The following AOX1 variants were observed in gnomAD, a reference collection of about 807,000 sequenced individuals.
The protein encoded by AOX1 is aldehyde oxidase 1, also known as aldehyde oxidase.
In AOX1, 153 loss-of-function variants were observed where a neutral mutation model predicts 169.5. That is an observed-to-expected ratio of 0.90 (90% CI 0.79 to 1.03). The LOEUF is 1.03. AOX1 is among the 50% of genes least tolerant of loss of function. The pLI is 0.00. For missense variants in AOX1, 1,656 were observed against 1,663.9 expected (o/e 1.00, Z 0.08); for synonymous variants, 562 against 581.9 (o/e 0.97, Z 0.49).
intron 4 of AOX1, among the ~76,000 whole-genome samples, chr2:200,597,780 G>A (rs552040322): frequency 2.0e-5 from 3 of 152,276 alleles, no homozygotes; most frequent in Non-Finnish European, 4.4e-5. Context: ...GTTCTAATTC[G>A]ATGGGACCTA....
chr2:200,586,601 C>G (rs968484079), intron 1 of AOX1, among the ~76,000 whole-genome samples: 1 of 152,214 alleles, frequency 6.6e-6, no homozygotes, highest in African/African-American at 2.4e-5. Flanking sequence ...TTTGGAAGCG[C>G]AGAGAGCAAC....
chr2:200,678,653 C>T (rs1006651045), downstream of AOX1: 1 of 151,240 alleles, frequency 6.6e-6, no homozygotes, highest in Admixed American at 6.6e-5. Context: ...AAATTCAGAC[C>T]CTGAAGTAAC....
At chr2:200,675,225 G>A (rs1188374225), downstream of AOX1, among the ~76,000 whole-genome samples, 1 of 152,188 alleles carries the variant, frequency 6.6e-6, no homozygotes, top group Non-Finnish European at 1.5e-5. Flanking sequence ...GTTCATACTG[G>A]CAGAGGATAG....
chr2:200,593,940 G>A (rs1231504230), intron 2 of AOX1, among the ~76,000 whole-genome samples: 1 of 152,158 alleles, frequency 6.6e-6, no homozygotes, highest in Non-Finnish European at 1.5e-5. Flanking sequence ...TTAAAGTTTG[G>A]TTCACTATGA....
rs764223045 is a variant in AOX1, at chr2:200,661,559, G to A, written c.3376-20G>A. On this transcript the variant is annotated intron_variant, in intron 29 of 34. Coordinates refer to ENST00000374700, the MANE Select transcript of AOX1 (RefSeq NM_001159.4). ...TCTTTGGGCATCCTTGTTGCATCAT[G>A]CTATGCTCTTCCTTCACAGGCACAG... is the stretch of plus-strand genomic sequence containing the variant. 1.9e-6 allele frequency: 3 copies of A among 1,607,290 alleles called. No individual in the cohort carries two copies. The highest frequency in any genetic ancestry group is 2.6e-6 in the Non-Finnish European group (3 of 1,174,446).
At chr2:200,588,646 C>CCCTTCTAA (rs2034089530) in intron 1 of AOX1, among the ~76,000 whole-genome samples, 2 of 151,378 alleles carry the variant, frequency 1.3e-5, no homozygotes, top group South Asian at 2.1e-4. Flanking sequence ...TCCTTCTCCT[C>CCCTTCTAA]CCTTCTAAAT....
rs776506803 is a variant in AOX1 at position 200,656,945 on chromosome 2, T to C, written c.3171+8T>C. ...CACACTAAAATGATTCAGGTAAGAA[T>C]GCAAATAACTCGATTGAGTTGGGTG... On this transcript the variant is annotated splice_region_variant and intron_variant, in intron 27 of 34. Coordinates refer to ENST00000374700, the MANE Select transcript of AOX1 (RefSeq NM_001159.4). 40 of 1,546,030 alleles carry C rather than the reference T, an allele frequency of 2.6e-5. No individual in the cohort carries two copies. The highest frequency in any genetic ancestry group is 3.5e-5 in the Non-Finnish European group (40 of 1,141,408).
intron 26 of AOX1, among the ~76,000 whole-genome samples, chr2:200,652,748 T>A (rs1439124690): frequency 1.3e-5 from 2 of 152,264 alleles, no homozygotes; most frequent in Admixed American, 6.5e-5. Flanking sequence ...ATTTTCCTCA[T>A]CAGAATTTTC....
chr2:200,634,083 G>A (rs2035180060), intron 20 of AOX1, among the ~76,000 whole-genome samples: 1 of 151,082 alleles, frequency 6.6e-6, no homozygotes, highest in Non-Finnish European at 1.5e-5. Flanking sequence ...GGAGTAGAGT[G>A]CTTATTGTCT....
intron 12 of AOX1, 59 bp from the exon 13 acceptor site, chr2:200,611,325 T>G: frequency 2.5e-6 from 3 of 1,214,560 alleles, no homozygotes; most frequent in Non-Finnish European, 3.7e-6. Context: ...TTCCTAAGTT[T>G]TGGAAGTTTA....
intron 20 of AOX1, among the ~76,000 whole-genome samples, chr2:200,633,137 T>C (rs1272355987): frequency 6.6e-6 from 1 of 152,164 alleles, no homozygotes; most frequent in East Asian, 1.9e-4. Flanking sequence ...AGTGTTTCTT[T>C]CTCATAGCTT....
chr2:200,658,714 C>T (rs1264401103), intron 27 of AOX1, among the ~76,000 whole-genome samples: 1 of 152,080 alleles, frequency 6.6e-6, no homozygotes, highest in Non-Finnish European at 1.5e-5. Flanking sequence ...CGTTGCTTTT[C>T]CAAGGCCATC....
intron 18 of AOX1, among the ~76,000 whole-genome samples, chr2:200,621,746 T>G (rs1559242543): frequency 6.6e-6 from 1 of 151,998 alleles, no homozygotes; most frequent in Non-Finnish European, 1.5e-5. Context: ...CGCTTTTTAT[T>G]TTTTATTTTA....
intron 31 of AOX1, among the ~76,000 whole-genome samples, chr2:200,664,783 C>T (rs1173278168): frequency 6.6e-6 from 1 of 152,260 alleles, no homozygotes; most frequent in Non-Finnish European, 1.5e-5. Context: ...AAATTTTCCT[C>T]ACTTTGAACC....
downstream of AOX1, among the ~76,000 whole-genome samples, chr2:200,673,531 A>T (rs2036055342): frequency 1.3e-5 from 2 of 151,828 alleles, no homozygotes; most frequent in Non-Finnish European, 2.9e-5. Flanking sequence ...ACTCCAAGCC[A>T]CCTTCATTTC....
At chr2:200,657,191 T>TATATATATATATATA (rs1491522418) in intron 27 of AOX1, among the ~76,000 whole-genome samples, 1 of 45,492 alleles carries the variant, frequency 2.2e-5, no homozygotes, top group African/African-American at 8.4e-5. Context: ...TATATATATA[T>TATATATATATATATA]TTTTTTTTTT....
chr2:200,627,420 C>A lies in AOX1; in HGVS notation c.2192C>A (p.Ala731Glu). 1 of 1,613,570 alleles carries A rather than the reference C, an allele frequency of 6.2e-7. No individual in the cohort carries two copies. The highest frequency in any genetic ancestry group is 8.5e-7 in the Non-Finnish European group (1 of 1,179,538). The part of the protein sequence containing the change: ...RKLEYGNVDE[A>E]FKVVDQILEG... The stretch of plus-strand genomic sequence containing the variant: ...CTGGAATATGGAAATGTTGACGAAG[C>A]ATTTAAAGTGGTTGATCAAATTCTT... Residue 731 changes from alanine (A) to glutamate (E), a missense_variant, in exon 20 of 35, where the codon GCA becomes GAA. Physicochemically the swap from Ala to Glu is moderately radical, Grantham distance 107 (BLOSUM62 -1). Transcript: ENST00000374700.
intron 1 of AOX1, among the ~76,000 whole-genome samples, chr2:200,587,928 A>C (rs754551892): frequency 6.6e-6 from 1 of 152,176 alleles, no homozygotes; most frequent in South Asian, 2.1e-4. Flanking sequence ...CTTATTTGTT[A>C]AGGGCCTACC....
Position 200,661,489 on chromosome 2 carries a change from T to A in AOX1, c.3376-90T>A, listed in dbSNP as rs1382150096. ...TGGTTACTATTGCTGATAGTTTTAT[T>A]TAACACACAGGGTAAAATTAAAATT... On this transcript the variant is annotated intron_variant, in intron 29 of 34. Coordinates refer to ENST00000374700, the MANE Select transcript of AOX1 (RefSeq NM_001159.4). 5 of 1,038,514 alleles carry A rather than the reference T, an allele frequency of 4.8e-6. No homozygotes were observed. The African/African-American group carries it at 8.0e-5, about 17-fold the overall frequency. 64.3% of individuals were successfully genotyped at this position (1,038,514 alleles called of 1,614,324 possible). A position where few individuals can be genotyped will look rare whatever the true frequency, so the allele number is the denominator to read the frequency against.
Sources: allele counts gnomAD v4.1 joint callset (sites outside exome capture counted in the v4.1 genomes callset), GRCh38; gene constraint gnomAD v4.1.1; transcripts MANE v1.5; gene names NCBI Gene and HGNC (gene_info 2026-07-23, HGNC 2026-07-21).